Variants in IL1RAPL1 observed in about 807,000 individuals in gnomAD.
IL1RAPL1 encodes the protein interleukin 1 receptor accessory protein like 1.
IL1RAPL1 carries 3 observed loss-of-function variants against 48.4 expected under a neutral mutation model. That is an observed-to-expected ratio of 0.06 (90% CI 0.03 to 0.16). The LOEUF is 0.16. Among genes scored for constraint, IL1RAPL1 ranks in the 10% least tolerant of loss-of-function variants. IL1RAPL1 has a pLI of 1.00. For synonymous variants in IL1RAPL1, 185 were observed against 187.7 expected, an observed-to-expected ratio of 0.99 and a Z score of 0.12; for missense variants, 349 against 530.6, an observed-to-expected ratio of 0.66 and a Z score of 3.36.
At chrX:28,768,711 CTCTCTCTCTCTCTCTCTG>C in intron 1 of IL1RAPL1, among the ~76,000 whole-genome samples, 1 of 67,822 alleles carries the variant, frequency 1.5e-5, no homozygotes, top group Non-Finnish European at 2.6e-5. Context: ...GTTTCTCTCT[CTCTCTCTCTCTCTCTCTG>C]TCTCTCTCTC....
intron 2 of IL1RAPL1, among the ~76,000 whole-genome samples, chrX:29,102,681 A>T (rs922320230): frequency 3.6e-4 from 40 of 110,629 alleles, no homozygotes; most frequent in Middle Eastern, 4.6e-3. Flanking sequence ...AAAAAAAAAA[A>T]GTAAAATTAT....
At chrX:29,887,142 T>G (rs2147218858) in intron 6 of IL1RAPL1, among the ~76,000 whole-genome samples, 1 of 112,190 alleles carries the variant, frequency 8.9e-6, no homozygotes, top group East Asian at 2.8e-4. Flanking sequence ...ATTCTTAAAA[T>G]ATTAAGAAAA....
intron 3 of IL1RAPL1, among the ~76,000 whole-genome samples, chrX:29,348,940 G>T (rs1386486502): frequency 9.0e-6 from 1 of 111,731 alleles, no homozygotes; most frequent in Non-Finnish European, 1.9e-5. Context: ...TTTGAACTTT[G>T]AGTCTATGGA....
At chrX:28,695,760 A>C (rs766671163) in intron 1 of IL1RAPL1, among the ~76,000 whole-genome samples, 44 of 112,230 alleles carry the variant, frequency 3.9e-4, no homozygotes, top group Non-Finnish European at 7.5e-4. Flanking sequence ...AATGGTGAAC[A>C]AAAAGGAGTC....
Position 28,659,420 on chromosome X carries a change from G to GGTGTTTTACCACCAGTCGA in IL1RAPL1, c.-25+71374_-25+71392dup, listed in dbSNP as rs1224757905. ...GGCTTTTGTAGCCAGTTGCTTCCCG[G>GGTGTTTTACCACCAGTCGA]GTGTTTTACCACCAGTCGATTTGCG... is the stretch of plus-strand genomic sequence containing the variant. On this transcript the variant is annotated intron_variant, in intron 1 of 10. Coordinates refer to ENST00000378993, the MANE Select transcript of IL1RAPL1 (RefSeq NM_014271.4). The GGTGTTTTACCACCAGTCGA allele has an allele frequency of 1.3e-5, 7 of 531,252 alleles. No individual in the cohort carries two copies. In the African/African-American group the frequency reaches 1.6e-4, roughly 12 times the overall value. 43.8% of individuals were successfully genotyped at this position (531,252 alleles called of 1,213,427 possible).
At chrX:29,573,363 G>A (rs1922654678) in intron 5 of IL1RAPL1, among the ~76,000 whole-genome samples, 1 of 112,432 alleles carries the variant, frequency 8.9e-6, no homozygotes, top group African/African-American at 3.2e-5. Flanking sequence ...TTCATAGGTA[G>A]TAACAAAGAA....
chrX:29,080,921 ATTTT>A (rs1377530454), intron 2 of IL1RAPL1, among the ~76,000 whole-genome samples: 10 of 74,302 alleles, frequency 1.3e-4, no homozygotes, highest in Admixed American at 3.1e-4. Context: ...TTTTTTAAAT[ATTTT>A]TTCTTTCTTT....
intron 6 of IL1RAPL1, among the ~76,000 whole-genome samples, chrX:29,915,963 T>C (rs1479562554): frequency 4.5e-5 from 4 of 89,567 alleles, no homozygotes; most frequent in African/African-American, 1.6e-4. Flanking sequence ...TGTGATCTCA[T>C]TGTTCAATTC....
chrX:28,661,607 A>G (rs1287626305), intron 1 of IL1RAPL1, among the ~76,000 whole-genome samples: 2 of 110,872 alleles, frequency 1.8e-5, no homozygotes, highest in Non-Finnish European at 3.8e-5. Flanking sequence ...CCTTTTAAAA[A>G]TGGTATTAAC....
At chrX:29,161,903 C>G (rs1311298794) in intron 2 of IL1RAPL1, among the ~76,000 whole-genome samples, 1 of 112,081 alleles carries the variant, frequency 8.9e-6, no homozygotes, top group Non-Finnish European at 1.9e-5. Context: ...AAGACACATG[C>G]ACATGTATGT....
At chrX:29,042,282 G>A (rs1314474037) in intron 2 of IL1RAPL1, among the ~76,000 whole-genome samples, 1 of 111,570 alleles carries the variant, frequency 9.0e-6, no homozygotes, top group African/African-American at 3.3e-5. Flanking sequence ...CCTTTCACTT[G>A]TTTCTTCAGG....
chrX:28,763,492 A>T (rs986994218), intron 1 of IL1RAPL1, among the ~76,000 whole-genome samples: 1 of 112,107 alleles, frequency 8.9e-6, no homozygotes. Context: ...TCTTTCATGT[A>T]CTTAACCTGT....
At chrX:28,758,145 A>C (rs1292694887) in intron 1 of IL1RAPL1, among the ~76,000 whole-genome samples, 1 of 112,235 alleles carries the variant, frequency 8.9e-6, no homozygotes, top group East Asian at 2.8e-4. Flanking sequence ...ATAGCAGGAG[A>C]CCATAAGACC....
intron 5 of IL1RAPL1, among the ~76,000 whole-genome samples, chrX:29,414,066 A>T (rs1476031667): frequency 5.4e-5 from 6 of 110,904 alleles, no homozygotes; most frequent in Non-Finnish European, 5.7e-5. Context: ...TACAAAACTG[A>T]TTTATTTTTT....
rs561582387 is a variant in IL1RAPL1, at chrX:28,945,907, G to A, written c.82+156482G>A. 2.4e-4 allele frequency among the ~76,000 whole-genome samples: 26 copies of A among 106,424 alleles called. No individual in the cohort carries two copies. In the South Asian group the frequency reaches 8.8e-3, roughly 36 times the overall value. 92.4% of individuals were successfully genotyped at this position (106,424 alleles called of 115,157 possible). On this transcript the variant is annotated intron_variant, in intron 2 of 10. Transcript: ENST00000378993. ...TGTATGTATATATATATATATATGT[G>A]TGTGTGTGTGTGTGTGTGTATACAC...
rs185892122 is a variant in IL1RAPL1 at position 29,492,715 on chromosome X, A to G, written c.703+93407A>G. Among the ~76,000 whole-genome samples the G allele has an allele frequency of 1.2e-4, 14 of 112,280 alleles. 1 individual carries two copies. The East Asian group carries it at 3.9e-3, about 31-fold the overall frequency. On this transcript the variant is annotated intron_variant, in intron 5 of 10. Coordinates refer to ENST00000378993, the MANE Select transcript of IL1RAPL1 (RefSeq NM_014271.4). The stretch of plus-strand genomic sequence containing the variant: ...GGATAACCTCCCCACTTTAAAGTCT[A>G]TAGCCTTAATCACATTTTCAAAGTC...
At chrX:28,851,649 G>A (rs1462741638) in intron 2 of IL1RAPL1, among the ~76,000 whole-genome samples, 2 of 111,676 alleles carry the variant, frequency 1.8e-5, no homozygotes, top group African/African-American at 6.5e-5. Flanking sequence ...CCTCTGAGGT[G>A]CATTAATTCT....
chrX:28,629,476 T>C (rs1433998621), intron 1 of IL1RAPL1, among the ~76,000 whole-genome samples: 1 of 111,905 alleles, frequency 8.9e-6, no homozygotes, highest in East Asian at 2.8e-4. Context: ...ATTAAAGAGA[T>C]GGACATGGAA....
At chrX:29,917,167 C>A (rs747569133) in intron 6 of IL1RAPL1, among the ~76,000 whole-genome samples, 154 of 112,087 alleles carry the variant, frequency 1.4e-3, no homozygotes, top group African/African-American at 5.0e-3. Context: ...TCATTCATGA[C>A]CTCAATCTAA....
Sources: gnomAD v4.1 joint callset for allele counts (sites outside exome capture counted in the v4.1 genomes callset) on GRCh38, gnomAD v4.1.1 for gene constraint, MANE v1.5 for transcripts, NCBI Gene and HGNC (gene_info 2026-07-23, HGNC 2026-07-21) for gene names.